EPHA10: variants seen among roughly 807,000 people sequenced by gnomAD.
EPHA10 encodes EPH receptor A10, also known as ephrin type-A receptor 10.
Under a neutral mutation model 109.7 loss-of-function variants are expected in EPHA10, and 120 were observed. The ratio of observed to expected loss-of-function variants is 1.09; its 90% CI spans 0.94 to 1.27. The LOEUF is 1.27. EPHA10 is among the 50% of genes most tolerant of loss of function. EPHA10 has a pLI of 0.00. For missense variants in EPHA10, 1,396 were observed against 1,411.1 expected (o/e 0.99, Z 0.17); for synonymous variants, 640 against 618.9 (o/e 1.03, Z -0.51).
At chr1:37,737,399 A>G (rs1255930131) in intron 5 of EPHA10, among the ~76,000 whole-genome samples, 1 of 152,204 alleles carries the variant, frequency 6.6e-6, no homozygotes, top group African/African-American at 2.4e-5. Context: ...TCAAAGCAAT[A>G]TGGTACAGAC....
rs552493893 is a variant in EPHA10, at chr1:37,720,975, C to T, written c.2147-131G>A. 5 of 798,406 alleles carry T rather than the reference C, an allele frequency of 6.3e-6. No homozygotes were observed. In the South Asian group the frequency reaches 8.2e-5, roughly 13 times the overall value. 49.5% of individuals were successfully genotyped at this position (798,406 alleles called of 1,614,324 possible). A position where few individuals can be genotyped will look rare whatever the true frequency, so the allele number is the denominator to read the frequency against. On this transcript the variant is annotated intron_variant, in intron 11 of 16. Transcript: ENST00000373048. ...GCACCAAGCTCCCTAATCTCGCCAT[C>T]CTCCTGCCCAGCCCAGGGTCCTCTA...
intron 11 of EPHA10, 110 bp downstream of exon 11, chr1:37,721,550 A>G: frequency 1.7e-6 from 2 of 1,163,376 alleles, no homozygotes; most frequent in Non-Finnish European, 2.3e-6. Flanking sequence ...GCTCCCTCCC[A>G]TAGCTGAGGG....
chr1:37,724,529 C>T (rs982446574), intron 8 of EPHA10, among the ~76,000 whole-genome samples: 4 of 151,452 alleles, frequency 2.6e-5, no homozygotes, highest in African/African-American at 9.7e-5. Flanking sequence ...AAGGACAGTA[C>T]AAAAGAATCG....
At chr1:37,728,249 T>C (rs2148324673) in intron 7 of EPHA10, among the ~76,000 whole-genome samples, 1 of 152,118 alleles carries the variant, frequency 6.6e-6, no homozygotes, top group East Asian at 1.9e-4. Flanking sequence ...GGTGGGAAGA[T>C]GGAGGGAACT....
intron 1 of EPHA10, among the ~76,000 whole-genome samples, chr1:37,763,149 G>A (rs1219169430): frequency 1.3e-5 from 2 of 152,140 alleles, no homozygotes; most frequent in Non-Finnish European, 1.5e-5. Flanking sequence ...CAGTTCTGGA[G>A]GTCAGAAGCC....
intron 10 of EPHA10, chr1:37,722,680 G>A (rs1395940088): frequency 1.0e-5 from 4 of 382,328 alleles, no homozygotes; most frequent in Non-Finnish European, 2.0e-5. Context: ...ATCATGCAGC[G>A]GGTCAGTGGG....
chr1:37,741,068 T>C (rs1422275021), intron 5 of EPHA10, among the ~76,000 whole-genome samples: 3 of 152,188 alleles, frequency 2.0e-5, no homozygotes, highest in East Asian at 1.9e-4. Context: ...CTCCTGACTT[T>C]TCCAGTGGTT....
chr1:37,748,906 CTTTCT>C (rs1345780126), intron 5 of EPHA10, among the ~76,000 whole-genome samples: 2 of 144,124 alleles, frequency 1.4e-5, no homozygotes, highest in African/African-American at 2.5e-5. Context: ...GATGAGTTTC[CTTTCT>C]TTTCATCTTT....
At chr1:37,728,743 C>G (rs896214048) in intron 7 of EPHA10, among the ~76,000 whole-genome samples, 22 of 152,046 alleles carry the variant, frequency 1.4e-4, no homozygotes, top group Non-Finnish European at 7.4e-5. Flanking sequence ...TGAGGAGGAA[C>G]AGAAGACGAG....
intron 6 of EPHA10, 121 bp downstream of exon 6, chr1:37,735,136 G>T (rs1030715848): frequency 1.5e-6 from 2 of 1,317,570 alleles, no homozygotes; most frequent in East Asian, 5.1e-5. Context: ...CCTAGGAGAC[G>T]GGTGGTTATG....
chr1:37,733,233 T>A (rs1318903330), intron 6 of EPHA10, among the ~76,000 whole-genome samples: 9 of 151,566 alleles, frequency 5.9e-5, no homozygotes, highest in Non-Finnish European at 5.9e-5. Flanking sequence ...TTTTGGTGGG[T>A]TTTTTTGAGA....
In EPHA10 at chr1:37,732,863, CTTTTTTTTTTTTTTTTTTTTTTTTTTTTT is replaced by C. The variant is rs56226051; in HGVS notation, c.1492-1310_1492-1282del. Among the ~76,000 whole-genome samples the C allele has an allele frequency of 1.4e-3, 34 of 25,046 alleles. 1 individual carries two copies. The highest frequency in any genetic ancestry group is 3.6e-3 in the African/African-American group (27 of 7,484). The allele number at this position is 25,046 out of a possible 152,430, so 16.4% of individuals were successfully genotyped here. ...CAAATATAGCCCTTTTATACTTGTT[CTTTTTTTTTTTTTTTTTTTTTTTTTTTTT>C]TTTTTTTTTTTTTTTGAGGCAGAGT... On this transcript the variant is annotated intron_variant, in intron 6 of 16. Coordinates refer to ENST00000373048, the MANE Select transcript of EPHA10 (RefSeq NM_001099439.2).
intron 1 of EPHA10, among the ~76,000 whole-genome samples, chr1:37,763,189 G>C (rs953604508): frequency 6.6e-6 from 1 of 152,190 alleles, no homozygotes; most frequent in African/African-American, 2.4e-5. Flanking sequence ...CTAGAGTCAA[G>C]GTGTCAGCAG....
intron 5 of EPHA10, among the ~76,000 whole-genome samples, chr1:37,752,421 C>G (rs902335421): frequency 6.6e-6 from 1 of 152,164 alleles, no homozygotes; most frequent in Non-Finnish European, 1.5e-5. Flanking sequence ...CTTCCCGAGA[C>G]AGAGGGAAGG....
At position 37,764,256 on chromosome 1, in the gene EPHA10, C is replaced by A. The variant is rs1569777520; in HGVS notation, c.106+705G>T. 6.6e-6 allele frequency among the ~76,000 whole-genome samples: 1 copy of A among 152,180 alleles called. No homozygotes were observed. Among genetic ancestry groups the A allele is most frequent in the Non-Finnish European group, 1.5e-5 (1 of 68,036 alleles). ...GAATCGCGAACTGGAAGGCATCAGC[C>A]ATCCAGGGCCCAGACCAACCCCGCG... is the stretch of plus-strand genomic sequence containing the variant. On this transcript the variant is annotated intron_variant, in intron 1 of 16. Transcript: ENST00000373048. This position sits in a 1 kb window ranked among gnomAD's most constrained non-coding sequence, Gnocchi z 5.8.
At chr1:37,714,424 T>A (rs1237946388), downstream of EPHA10, among the ~76,000 whole-genome samples, 1 of 152,206 alleles carries the variant, frequency 6.6e-6, no homozygotes, top group East Asian at 1.9e-4. Flanking sequence ...ACCTGCAGCC[T>A]GTCCTGGTCA....
At position 37,717,929 on chromosome 1, in the gene EPHA10, A is replaced by AC. The variant is rs565781272; in HGVS notation, c.*442dup. ...TGCAGTCACTGCCAGGTAGAAGAAGACCCCCCCAGGACCCACGCTGTCTGA... is the reference window on the plus strand; with the variant it reads ...TGCAGTCACTGCCAGGTAGAAGAAGACCCCCCCCAGGACCCACGCTGTCTGA... On this transcript the variant is annotated 3_prime_UTR_variant, in exon 17 of 17. Transcript: ENST00000373048. The AC allele has an allele frequency of 3.3e-5, 8 of 240,248 alleles. No homozygotes were observed. Among genetic ancestry groups the AC allele is most frequent in the Non-Finnish European group, 6.5e-5 (8 of 122,526 alleles). The allele number at this position is 240,248 out of a possible 1,614,324, so 14.9% of individuals were successfully genotyped here. A position where few individuals can be genotyped will look rare whatever the true frequency, so the allele number is the denominator to read the frequency against.
chr1:37,717,490 T>TGA lies in EPHA10; in HGVS notation c.*880_*881dup, dbSNP rs1418817007. ...ACACTGGGGGTTAGACCAGCCTGTT[T>TGA]GAGAGAGAGGACCCATCTCTGAGTC... On this transcript the variant is annotated 3_prime_UTR_variant, in exon 17 of 17. Transcript: ENST00000373048. 4.3e-6 allele frequency: 1 copy of TGA among 231,840 alleles called. No homozygotes were observed. Among genetic ancestry groups the TGA allele is most frequent in the Admixed American group, 5.6e-5 (1 of 17,724 alleles). The allele number at this position is 231,840 out of a possible 1,614,324, so 14.4% of individuals were successfully genotyped here.
At position 37,753,010 on chromosome 1, in the gene EPHA10, C is replaced by G; in HGVS notation, c.1223G>C (p.Arg408Pro). The change falls in exon 5 of 17, where the codon CGA becomes CCA. Residue 408 changes from arginine to proline, a missense_variant. By Grantham distance (103) the Arg-to-Pro change is moderately radical. Coordinates refer to ENST00000373048, the MANE Select transcript of EPHA10 (RefSeq NM_001099439.2). ...FLPRQAGLRE[R>P]AATLLHLRPG... ...CCGCAGGTGCAGCAGCGTGGCGGCT[C>G]GCTCCCGCAGCCCTGCCTGGCGCGG... 2 of 1,228,704 alleles carry G rather than the reference C, an allele frequency of 1.6e-6. No individual in the cohort carries two copies. Among genetic ancestry groups the G allele is most frequent in the African/African-American group, 1.6e-5 (1 of 62,832 alleles). The allele number at this position is 1,228,704 out of a possible 1,614,324, so 76.1% of individuals were successfully genotyped here.
Sources: allele counts gnomAD v4.1 joint callset (sites outside exome capture counted in the v4.1 genomes callset), GRCh38; gene constraint gnomAD v4.1.1; non-coding constraint Gnocchi (gnomAD v3.1); transcripts MANE v1.5; gene names NCBI Gene and HGNC (gene_info 2026-07-23, HGNC 2026-07-21).